The following PCDHA2 variants were observed in gnomAD, a reference collection of about 807,000 sequenced individuals.
PCDHA2 encodes the protein protocadherin alpha 2.
Under a neutral mutation model 66.0 loss-of-function variants are expected in PCDHA2, and 58 were observed. The ratio of observed to expected loss-of-function variants is 0.88; its 90% CI spans 0.71 to 1.09. PCDHA2 has a LOEUF of 1.09. Among genes scored for constraint, PCDHA2 ranks in the 50% least tolerant of loss-of-function variants. The pLI is 0.00. For synonymous variants in PCDHA2, 634 were observed against 554.0 expected (o/e 1.14, Z -2.03); for missense variants, 1,267 against 1,242.3 (o/e 1.02, Z -0.30).
intron 1 of PCDHA2, among the ~76,000 whole-genome samples, chr5:140,950,022 A>T (rs1355491628): frequency 6.6e-6 from 1 of 151,918 alleles, no homozygotes; most frequent in Non-Finnish European, 1.5e-5. Context: ...CCTTCATAAA[A>T]TATAGAAAAG....
intron 1 of PCDHA2, chr5:140,862,140 G>A (rs2047224781): frequency 6.1e-6 from 1 of 162,900 alleles, no homozygotes; most frequent in Admixed American, 5.7e-5. Flanking sequence ...AGGTTTTGAG[G>A]AAACTAAATA....
At chr5:140,883,052 A>G (rs1554176592) in intron 1 of PCDHA2, 1 of 1,614,134 alleles carries the variant, frequency 6.2e-7, no homozygotes, top group East Asian at 2.2e-5. Flanking sequence ...AACATTAGTG[A>G]TCAAGCTAAA....
intron 1 of PCDHA2, chr5:140,877,442 C>A: frequency 6.2e-7 from 1 of 1,613,858 alleles, no homozygotes; most frequent in South Asian, 1.1e-5. Flanking sequence ...CACGGTGAGC[C>A]CGCGCTGACG....
chr5:140,959,772 C>T (rs1554224331), intron 1 of PCDHA2, among the ~76,000 whole-genome samples: 1 of 152,120 alleles, frequency 6.6e-6, no homozygotes, highest in East Asian at 1.9e-4. Flanking sequence ...TCAGTAAGAA[C>T]AGTGTATATT....
chr5:140,926,303 C>G (rs1248613470), intron 1 of PCDHA2: 1 of 152,328 alleles, frequency 6.6e-6, no homozygotes, highest in African/African-American at 2.4e-5. Flanking sequence ...CCCGCCCTCT[C>G]CGCCGGAGAG....
chr5:140,795,547 G>T lies in PCDHA2; in HGVS notation c.583G>T (p.Val195Leu). 1.2e-6 allele frequency: 2 copies of T among 1,614,094 alleles called. No individual in the cohort carries two copies. The highest frequency in any genetic ancestry group is 1.7e-6 in the Non-Finnish European group (2 of 1,180,014). The stretch of plus-strand genomic sequence containing the variant: ...TGAACTAAGCGAATCTTTGTCTCTC[G>T]TGCTGGGGAAATCGCTGGACAGAGA... ...NDELSESLSL[V>L]LGKSLDREET... Residue 195 changes from valine (V) to leucine (L), a missense_variant, in exon 1 of 4, where the codon GTG becomes TTG. By Grantham distance (32) the Val-to-Leu change is conservative. Coordinates refer to ENST00000526136, the MANE Select transcript of PCDHA2 (RefSeq NM_018905.3).
intron 1 of PCDHA2, chr5:140,807,122 G>T (rs1167466402): frequency 1.3e-6 from 2 of 1,540,096 alleles, no homozygotes; most frequent in Non-Finnish European, 8.8e-7. Context: ...TTGACTGACC[G>T]ATTAAAAGAT....
At chr5:140,932,471 A>G (rs1056932090) in intron 1 of PCDHA2, among the ~76,000 whole-genome samples, 11 of 152,050 alleles carry the variant, frequency 7.2e-5, no homozygotes, top group African/African-American at 1.7e-4. Flanking sequence ...TATAGGAAAT[A>G]GGATATCTCC....
At chr5:140,884,432 C>T (rs782413139) in intron 1 of PCDHA2, 2 of 1,613,880 alleles carry the variant, frequency 1.2e-6, no homozygotes, top group East Asian at 4.5e-5. Flanking sequence ...TACTGCGCTG[C>T]GGTGCTCGGC....
In PCDHA2 at chr5:140,897,362, T is replaced by C. The variant is rs1395353589; in HGVS notation, c.2389-81587T>C. Among the ~76,000 whole-genome samples the C allele has an allele frequency of 2.5e-5, 3 of 120,464 alleles. No homozygotes were observed. The East Asian group carries it at 7.6e-4, about 30-fold the overall frequency. 79.0% of individuals were successfully genotyped at this position (120,464 alleles called of 152,430 possible). ...CCCCACCCCACAACTGTCCCCAGAG[T>C]GTGATGTTCCCTTCCCCTTCCTGTG... On this transcript the variant is annotated intron_variant, in intron 1 of 3. Coordinates refer to ENST00000526136, the MANE Select transcript of PCDHA2 (RefSeq NM_018905.3).
chr5:141,009,690 T>G lies in PCDHA2; in HGVS notation c.2600T>G (p.Phe867Cys). The G allele has an allele frequency of 6.2e-7, 1 of 1,614,068 alleles. No homozygotes were observed. The highest frequency in any genetic ancestry group is 8.5e-7 in the Non-Finnish European group (1 of 1,180,024). The change falls in exon 4 of 4, where the codon TTT (phenylalanine) becomes TGT (cysteine). Residue 867 changes from phenylalanine to cysteine, a missense_variant. Phe to Cys is a radical substitution (Grantham distance 205). Coordinates refer to ENST00000526136, the MANE Select transcript of PCDHA2 (RefSeq NM_018905.3). ...GGTGTCAACAGCAACAGCTGGACCT[T>G]TAAATACGGACCAGGCAACCCCAAA... ...GAGVNSNSWT[F>C]KYGPGNPKQS...
chr5:140,906,661 A>C (rs1237437986), intron 1 of PCDHA2, among the ~76,000 whole-genome samples: 1 of 152,176 alleles, frequency 6.6e-6, no homozygotes, highest in African/African-American at 2.4e-5. Flanking sequence ...TTCCTGGTGT[A>C]GTGACCCAAA....
At chr5:140,863,571 TA>T in intron 1 of PCDHA2, 1 of 369,950 alleles carries the variant, frequency 2.7e-6, no homozygotes, top group South Asian at 2.1e-5. Context: ...AGAATATAAG[TA>T]CTGTAATCCT....
At chr5:140,988,851 C>T (rs2097316213) in intron 3 of PCDHA2, 1 of 152,174 alleles carries the variant, frequency 6.6e-6, no homozygotes, top group Admixed American at 6.5e-5. Context: ...TGAAACCTAT[C>T]CAGTCTCATG....
intron 1 of PCDHA2, chr5:140,966,135 T>A (rs1456572936): frequency 1.2e-5 from 2 of 162,166 alleles, no homozygotes; most frequent in African/African-American, 4.8e-5. Context: ...CCCCTCAGTT[T>A]ATTTTCCTGA....
chr5:140,868,937 C>T (rs2050742656), intron 1 of PCDHA2: 1 of 1,209,168 alleles, frequency 8.3e-7, no homozygotes, highest in East Asian at 2.5e-5. Flanking sequence ...AAAGGTTGGT[C>T]TGAACAGTGA....
intron 1 of PCDHA2, among the ~76,000 whole-genome samples, chr5:140,896,566 G>A (rs1562891221): frequency 6.7e-6 from 1 of 150,252 alleles, no homozygotes; most frequent in Non-Finnish European, 1.5e-5. Context: ...AAGTAGAGAT[G>A]GGGTTTTGAC....
At chr5:140,798,988 C>T (rs979035980) in intron 1 of PCDHA2, among the ~76,000 whole-genome samples, 1 of 152,160 alleles carries the variant, frequency 6.6e-6, no homozygotes, top group Non-Finnish European at 1.5e-5. Context: ...ATATCCATTT[C>T]CAAGTAATAC....
intron 1 of PCDHA2, among the ~76,000 whole-genome samples, chr5:140,845,370 T>C (rs1032525596): frequency 6.7e-6 from 1 of 149,690 alleles, no homozygotes; most frequent in Non-Finnish European, 1.5e-5. Flanking sequence ...CAAAATATCA[T>C]AAATAGGAGG....
Sources: gnomAD v4.1 joint callset for allele counts (sites outside exome capture counted in the v4.1 genomes callset) on GRCh38, gnomAD v4.1.1 for gene constraint, MANE v1.5 for transcripts, NCBI Gene and HGNC (gene_info 2026-07-23, HGNC 2026-07-21) for gene names.